SPECC1: variants seen among roughly 807,000 people sequenced by gnomAD.
SPECC1 encodes the protein cytospin-B.
Under a neutral mutation model 104.1 loss-of-function variants are expected in SPECC1, and 62 were observed. That is an observed-to-expected ratio of 0.60 (90% CI 0.49 to 0.74). The LOEUF is 0.74. SPECC1 is among the 30% of genes least tolerant of loss of function. The probability of loss-of-function intolerance (pLI) is 0.00; values close to 1 mark genes in which losing one functional copy is unlikely to be tolerated. For missense variants in SPECC1, 1,306 were observed against 1,310.5 expected (o/e 1.00, Z 0.05); for synonymous variants, 513 against 501.6 (o/e 1.02, Z -0.30).
At chr17:20,281,984 C>T (rs1238564096) in intron 12 of SPECC1, among the ~76,000 whole-genome samples, 2 of 152,176 alleles carry the variant, frequency 1.3e-5, no homozygotes, top group Non-Finnish European at 2.9e-5. Flanking sequence ...CGCCTGCGTT[C>T]GGGTGCTGTG....
At chr17:20,210,877 G>C (rs980073221) in intron 4 of SPECC1, among the ~76,000 whole-genome samples, 66 of 152,230 alleles carry the variant, frequency 4.3e-4, no homozygotes, top group African/African-American at 1.4e-3. Flanking sequence ...GCCAGTGACT[G>C]TCTGGCAGTC....
intron 3 of SPECC1, among the ~76,000 whole-genome samples, chr17:20,146,824 T>G (rs904021034): frequency 1.3e-5 from 2 of 152,116 alleles, no homozygotes; most frequent in African/African-American, 2.4e-5. Flanking sequence ...GAGAATTGCT[T>G]GAACCCAGGA....
At chr17:20,208,848 C>G (rs1038381636) in intron 4 of SPECC1, among the ~76,000 whole-genome samples, 11 of 152,128 alleles carry the variant, frequency 7.2e-5, no homozygotes, top group African/African-American at 2.7e-4. Flanking sequence ...GTCACTTAGG[C>G]TGGAGTGTAG....
chr17:20,125,732 G>A (rs1225098490), intron 3 of SPECC1, among the ~76,000 whole-genome samples: 2 of 152,172 alleles, frequency 1.3e-5, no homozygotes, highest in Non-Finnish European at 2.9e-5. Context: ...AATAATATTC[G>A]ATCGTCTGGA....
chr17:20,267,149 T>C (rs2040243592), intron 12 of SPECC1, among the ~76,000 whole-genome samples: 1 of 152,150 alleles, frequency 6.6e-6, no homozygotes, highest in African/African-American at 2.4e-5. Context: ...TAGGAGGCCC[T>C]TCCTCACATT....
chr17:20,305,105 C>T (rs927649963), intron 13 of SPECC1, among the ~76,000 whole-genome samples: 21 of 152,062 alleles, frequency 1.4e-4, no homozygotes, highest in Non-Finnish European at 2.5e-4. Flanking sequence ...TTGAGTGGCT[C>T]AGGTCATGAT....
At chr17:20,252,700 T>A (rs1390674885) in intron 9 of SPECC1, among the ~76,000 whole-genome samples, 2 of 152,206 alleles carry the variant, frequency 1.3e-5, no homozygotes, top group African/African-American at 4.8e-5. Context: ...CAGGATTTCC[T>A]TCTTTTTTAA....
chr17:20,125,503 C>G (rs556149260), intron 3 of SPECC1, among the ~76,000 whole-genome samples: 1 of 152,354 alleles, frequency 6.6e-6, no homozygotes, highest in East Asian at 1.9e-4. Flanking sequence ...CTCAAGCTTA[C>G]GCATCTGTAC....
chr17:20,058,317 A>G (rs980935696), intron 1 of SPECC1, among the ~76,000 whole-genome samples: 2 of 152,158 alleles, frequency 1.3e-5, no homozygotes, highest in African/African-American at 4.8e-5. Context: ...CTGATTGTCC[A>G]TGACTGTAGT....
intron 2 of SPECC1, among the ~76,000 whole-genome samples, chr17:20,100,658 A>T (rs9889684): frequency 0.12 from 18,799 of 152,148 alleles, 1,150 homozygotes; most frequent in Non-Finnish European, 0.13. Flanking sequence ...TTATTTTTTT[A>T]AAATTTTACT....
chr17:20,194,019 TTCTC>T (rs561356986), intron 3 of SPECC1, among the ~76,000 whole-genome samples: 43 of 152,336 alleles, frequency 2.8e-4, no homozygotes, highest in African/African-American at 8.7e-4. Context: ...TGAAACATAT[TTCTC>T]TCTCCAGTTT....
At chr17:20,247,371 T>C in intron 9 of SPECC1, 52 bp downstream of exon 9, 1 of 1,354,760 alleles carries the variant, frequency 7.4e-7, no homozygotes, top group Non-Finnish European at 1.0e-6. Flanking sequence ...TGTATCCCTC[T>C]AGATGTTTTT....
intron 3 of SPECC1, among the ~76,000 whole-genome samples, chr17:20,144,248 G>T (rs577440300): frequency 7.5e-6 from 1 of 134,100 alleles, no homozygotes; most frequent in South Asian, 2.3e-4. Context: ...GCAGTGGTGC[G>T]ATCACAGCTC....
chr17:20,290,573 G>A (rs1207773263), intron 12 of SPECC1, among the ~76,000 whole-genome samples: 1 of 151,984 alleles, frequency 6.6e-6, no homozygotes, highest in African/African-American at 2.4e-5. Context: ...GGAGTGTAGT[G>A]GCATGATCTC....
intron 1 of SPECC1, among the ~76,000 whole-genome samples, chr17:20,066,245 A>C (rs1376692533): frequency 6.6e-6 from 1 of 152,224 alleles, no homozygotes; most frequent in Non-Finnish European, 1.5e-5. Context: ...TGCAAAAATT[A>C]GCCAAACATC....
At chr17:20,156,083 C>G (rs565426048) in intron 3 of SPECC1, 1 of 1,329,778 alleles carries the variant, frequency 7.5e-7, no homozygotes, top group Non-Finnish European at 9.6e-7. Context: ...CTTTCTTTGA[C>G]TGGAGCGGAC....
chr17:20,230,730 G>A (rs935106296), intron 5 of SPECC1, among the ~76,000 whole-genome samples: 2 of 152,096 alleles, frequency 1.3e-5, no homozygotes, highest in Admixed American at 6.5e-5. Flanking sequence ...AGGATATTGA[G>A]GTATTGTTAA....
intron 3 of SPECC1, among the ~76,000 whole-genome samples, chr17:20,182,131 G>A (rs201734031): frequency 6.1e-5 from 1 of 16,432 alleles, no homozygotes; most frequent in Non-Finnish European, 1.0e-4. Flanking sequence ...TTTTTTTTTG[G>A]AGACAGGGCC....
intron 4 of SPECC1, among the ~76,000 whole-genome samples, chr17:20,217,261 T>A (rs2037553202): frequency 6.6e-6 from 1 of 151,686 alleles, no homozygotes; most frequent in African/African-American, 2.4e-5. Context: ...TCAGTTTTTT[T>A]ATTGTGTGTG....
Sources: allele counts gnomAD v4.1 joint callset (sites outside exome capture counted in the v4.1 genomes callset), GRCh38; gene constraint gnomAD v4.1.1; transcripts MANE v1.5; gene names NCBI Gene and HGNC (gene_info 2026-07-23, HGNC 2026-07-21).